Variants in DMXL1 observed in about 807,000 individuals in gnomAD.
DMXL1 encodes dmX-like protein 1.
In DMXL1, 99 loss-of-function variants were observed where a neutral mutation model predicts 319.2. The ratio of observed to expected loss-of-function variants is 0.31; its 90% CI spans 0.26 to 0.37. The LOEUF (loss-of-function observed/expected upper bound fraction) is 0.37, where lower values mean the gene tolerates loss of function less well. Ranked by LOEUF, DMXL1 falls within the 10% of genes least tolerant of loss-of-function variation. The pLI, the probability that DMXL1 is intolerant of heterozygous loss-of-function variation, is 1.00. For synonymous variants in DMXL1, 1,385 were observed against 1,235.2 expected (o/e 1.12, Z -2.54); for missense variants, 3,745 against 3,595.6 (o/e 1.04, Z -1.06).
chr5:119,102,015 T>A lies in DMXL1; in HGVS notation c.285+9T>A. 1 of 1,533,438 alleles carries A rather than the reference T, an allele frequency of 6.5e-7. No individual in the cohort carries two copies. The highest frequency in any genetic ancestry group is 9.0e-7 in the Non-Finnish European group (1 of 1,115,338). 95.0% of individuals were successfully genotyped at this position (1,533,438 alleles called of 1,614,324 possible). A position where few individuals can be genotyped will look rare whatever the true frequency, so the allele number is the denominator to read the frequency against. ...AACAAAAGAAAAATTTGGTCAGTAA[T>A]TTATGATTTCTTCTTTTAGGAATTG... On this transcript the variant is annotated intron_variant, in intron 3 of 43. Transcript: ENST00000539542.
intron 38 of DMXL1, among the ~76,000 whole-genome samples, chr5:119,225,984 C>G (rs886230140): frequency 6.6e-6 from 1 of 152,122 alleles, no homozygotes; most frequent in Admixed American, 6.6e-5. Flanking sequence ...TCTATGCAGT[C>G]TGGTTGGAAG....
chr5:119,177,565 A>C, intron 27 of DMXL1, 81 bp downstream of exon 27: 1 of 1,231,494 alleles, frequency 8.1e-7, no homozygotes, highest in Non-Finnish European at 1.1e-6. Context: ...TAGTTTTGCC[A>C]CATGATAATC....
rs1355194518 is a variant in DMXL1, at chr5:119,089,303, T to A, written c.88-8676T>A. ...ATATATATATATATATTTTTTTTTTTTTTTTTTTTTTTTTTTTTTTGAGAC... is the reference window on the plus strand; with the variant it reads ...ATATATATATATATATTTTTTTTTTATTTTTTTTTTTTTTTTTTTTGAGAC... On this transcript the variant is annotated intron_variant, in intron 1 of 43. Coordinates refer to ENST00000539542, the MANE Select transcript of DMXL1 (RefSeq NM_001290321.3). 5.2e-4 allele frequency among the ~76,000 whole-genome samples: 51 copies of A among 97,988 alleles called. 2 individuals carry two copies. Among genetic ancestry groups the A allele is most frequent in the East Asian group, 3.8e-3 (10 of 2,660 alleles). 64.3% of individuals were successfully genotyped at this position (97,988 alleles called of 152,430 possible). A position where few individuals can be genotyped will look rare whatever the true frequency, so the allele number is the denominator to read the frequency against.
At position 119,247,048 on chromosome 5, in the gene DMXL1, T is replaced by C; in HGVS notation, c.8976T>C (p.Ala2992=). The C allele has an allele frequency of 6.2e-7, 1 of 1,614,146 alleles. No homozygotes were observed. The highest frequency in any genetic ancestry group is 8.5e-7 in the Non-Finnish European group (1 of 1,179,980). ...GLLHTFVSEH[A]RQSIFRNIGT... ...TCCATACTTTTGTCAGTGAACATGC[T>C]CGGCAGTCCATTTTTAGAAATATTG... Residue 2992 remains alanine, a synonymous_variant, in exon 44 of 44, where the codon GCT becomes GCC. Coordinates refer to ENST00000539542, the MANE Select transcript of DMXL1 (RefSeq NM_001290321.3).
At position 119,116,203 on chromosome 5, in the gene DMXL1, A is replaced by G; in HGVS notation, c.610A>G (p.Thr204Ala). ...TTGGTATAATGTAGAAAACTGGCGG[A>G]CAGCTGTTACTTCTCCAGATGGAAG... ...KVWYNVENWR[T>A]AVTSPDGSSE... The change falls in exon 7 of 44, where the codon ACA (threonine) becomes GCA (alanine). Residue 204 changes from threonine to alanine, a missense_variant. Thr to Ala is a moderately conservative substitution (Grantham distance 58, BLOSUM62 0). Coordinates refer to ENST00000539542, the MANE Select transcript of DMXL1 (RefSeq NM_001290321.3). 6.2e-7 allele frequency: 1 copy of G among 1,613,752 alleles called. No homozygotes were observed. The highest frequency in any genetic ancestry group is 8.5e-7 in the Non-Finnish European group (1 of 1,179,930).
At chr5:119,236,550 T>TA (rs911963920) in intron 39 of DMXL1, 1 of 151,960 alleles carries the variant, frequency 6.6e-6, no homozygotes, top group Non-Finnish European at 1.5e-5. Context: ...CTATAATAAA[T>TA]AAAAAATGTA....
intron 38 of DMXL1, 59 bp from the exon 39 acceptor site, chr5:119,233,281 A>G: frequency 6.4e-7 from 1 of 1,561,338 alleles, no homozygotes; most frequent in Non-Finnish European, 8.7e-7. Context: ...GGATAAAGAA[A>G]TAACTTTTCC....
chr5:119,118,800 C>G lies in DMXL1; in HGVS notation c.744-15C>G, dbSNP rs1223762469. On this transcript the variant is annotated splice_polypyrimidine_tract_variant and intron_variant, in intron 7 of 43. Transcript: ENST00000539542. Reference sequence around the variant, plus strand: ...AAATTTGTATTTTTGCTTCTAAAATCTTTTCATTCCTTAGGGCTTCTGTAT... The same window carrying G: ...AAATTTGTATTTTTGCTTCTAAAATGTTTTCATTCCTTAGGGCTTCTGTAT... 6.4e-7 allele frequency: 1 copy of G among 1,564,826 alleles called. No individual in the cohort carries two copies. Among genetic ancestry groups the G allele is most frequent in the Non-Finnish European group, 8.6e-7 (1 of 1,157,242 alleles).
intron 28 of DMXL1, among the ~76,000 whole-genome samples, chr5:119,180,037 C>T (rs1257234614): frequency 1.3e-5 from 2 of 152,166 alleles, no homozygotes; most frequent in Non-Finnish European, 2.9e-5. Flanking sequence ...CAGATGAGTA[C>T]AGCTGTGTTC....
intron 34 of DMXL1, among the ~76,000 whole-genome samples, chr5:119,213,004 T>C (rs1030202684): frequency 2.6e-5 from 4 of 152,274 alleles, no homozygotes; most frequent in Middle Eastern, 3.4e-3. Context: ...ATTCTGTGCC[T>C]GCACTCAAGC....
At chr5:119,082,934 C>T (rs1378359864) in intron 1 of DMXL1, among the ~76,000 whole-genome samples, 2 of 152,154 alleles carry the variant, frequency 1.3e-5, no homozygotes, top group Non-Finnish European at 1.5e-5. Context: ...TTGTAGCTCC[C>T]ACATATGAAT....
chr5:119,122,269 C>A (rs1202125461), intron 9 of DMXL1, among the ~76,000 whole-genome samples: 1 of 144,980 alleles, frequency 6.9e-6, no homozygotes, highest in African/African-American at 2.6e-5. Context: ...GGGGGCCGAC[C>A]ACCCCACCTC....
intron 37 of DMXL1, among the ~76,000 whole-genome samples, chr5:119,223,758 A>T (rs923459494): frequency 6.6e-6 from 1 of 152,082 alleles, no homozygotes; most frequent in African/African-American, 2.4e-5. Flanking sequence ...TATTTTTTTT[A>T]CGTATGGTTC....
At chr5:119,203,231 T>C (rs1204131876) in intron 32 of DMXL1, 88 bp from the exon 33 acceptor site, 3 of 824,722 alleles carry the variant, frequency 3.6e-6, no homozygotes, top group Non-Finnish European at 5.6e-6. Flanking sequence ...AGTTAATTTA[T>C]TATAATTTAT....
chr5:119,133,604 G>A lies in DMXL1; in HGVS notation c.1680G>A (p.Gln560=), dbSNP rs1397574358. ...CCAAGAATGTTGACTTGGCTATTCA[G>A]CAGGGGAAACAAAAACCTTCTGGCC... The part of the protein sequence containing the change: ...ACTKNVDLAI[Q]QGKQKPSGLT... The change falls in exon 12 of 44, where the codon CAG becomes CAA. Residue 560 remains glutamine (Q), a synonymous_variant. Coordinates refer to ENST00000539542, the MANE Select transcript of DMXL1 (RefSeq NM_001290321.3). The A allele has an allele frequency of 1.9e-6, 3 of 1,614,154 alleles. No homozygotes were observed. Among genetic ancestry groups the A allele is most frequent in the African/African-American group, 2.7e-5 (2 of 75,024 alleles).
chr5:119,182,853 G>A (rs1310863120), intron 28 of DMXL1, among the ~76,000 whole-genome samples: 2 of 152,072 alleles, frequency 1.3e-5, no homozygotes, highest in Non-Finnish European at 2.9e-5. Context: ...TTAAAGAAGA[G>A]AACCAGCTAA....
In DMXL1 at chr5:119,167,733, T is replaced by G. The variant is rs1344726968; in HGVS notation, c.5267T>G (p.Val1756Gly). 1 of 1,613,762 alleles carries G rather than the reference T, an allele frequency of 6.2e-7. No individual in the cohort carries two copies. Among genetic ancestry groups the G allele is most frequent in the South Asian group, 1.1e-5 (1 of 91,068 alleles). ...RKKVLGIDSP[V>G]SELCSLNINM... is the part of the protein sequence containing the mutation. ...AAAGTTTTGGGAATCGATTCTCCTG[T>G]CAGTGAACTGTGTTCATTGAACATA... is the stretch of plus-strand genomic sequence containing the variant. Residue 1756 changes from valine to glycine, a missense_variant, in exon 23 of 44, where the codon GTC becomes GGC. By Grantham distance (109) the Val-to-Gly change is moderately radical (BLOSUM62 -3). This residue lies in a region of DMXL1 where 1,382 missense variants were observed against 1,269.5 expected (regional missense o/e 1.09). Coordinates refer to ENST00000539542, the MANE Select transcript of DMXL1 (RefSeq NM_001290321.3).
chr5:119,247,180 A>C lies in DMXL1; in HGVS notation c.9108A>C (p.Leu3036Phe), dbSNP rs1052484047. 37 of 1,613,338 alleles carry C rather than the reference A, an allele frequency of 2.3e-5. No homozygotes were observed. The highest frequency in any genetic ancestry group is 3.1e-5 in the Non-Finnish European group (37 of 1,179,684). Residue 3036 changes from leucine to phenylalanine, a missense_variant, in exon 44 of 44, where the codon TTA (leucine) becomes TTC (phenylalanine). This residue lies in a region of DMXL1 where 262 missense variants were observed against 320.5 expected (regional missense o/e 0.82). Transcript: ENST00000539542. ...MRILPDQFSPLNEVLKNDVKF... is the reference protein window; with the variant it reads ...MRILPDQFSPFNEVLKNDVKF... ...TACTGCCAGATCAGTTTAGCCCTTT[A>C]AATGAAGTGTTGAAAAATGATGTGA... is the stretch of plus-strand genomic sequence containing the variant.
intron 34 of DMXL1, among the ~76,000 whole-genome samples, chr5:119,209,348 A>AT (rs34115254): frequency 0.22 from 30,222 of 137,126 alleles, 3,440 homozygotes; most frequent in Non-Finnish European, 0.28. Context: ...ATCCCATTCT[A>AT]TTTTTTTTTT....
Sources: allele counts gnomAD v4.1 joint callset (sites outside exome capture counted in the v4.1 genomes callset), GRCh38; gene constraint gnomAD v4.1.1; regional missense constraint gnomAD v4.1.1; transcripts MANE v1.5; gene names NCBI Gene and HGNC (gene_info 2026-07-23, HGNC 2026-07-21).